LRRC40: variants seen among roughly 807,000 people sequenced by gnomAD.
LRRC40 encodes leucine rich repeat containing 40.
LRRC40 carries 76 observed loss-of-function variants against 72.8 expected under a neutral mutation model. That is an observed-to-expected ratio of 1.04 (90% CI 0.87 to 1.26). The LOEUF is 1.26. Among genes scored for constraint, LRRC40 ranks in the 50% most tolerant of loss-of-function variants. The pLI, the probability that LRRC40 is intolerant of heterozygous loss-of-function variation, is 0.00. For missense variants in LRRC40, 684 were observed against 698.9 expected (o/e 0.98, Z 0.24); for synonymous variants, 243 against 254.2 (o/e 0.96, Z 0.42).
chr1:70,205,254 G>A, intron 1 of LRRC40, 136 bp downstream of exon 1: 1 of 785,750 alleles, frequency 1.3e-6, no homozygotes. Flanking sequence ...ATGAGCACAG[G>A]GATTAGATTA....
At chr1:70,164,978 T>C (rs1351921380) in intron 9 of LRRC40, among the ~76,000 whole-genome samples, 1 of 152,178 alleles carries the variant, frequency 6.6e-6, no homozygotes, top group Non-Finnish European at 1.5e-5. Flanking sequence ...ATCAAGGACA[T>C]TGTAGGGTAA....
intron 6 of LRRC40, among the ~76,000 whole-genome samples, chr1:70,177,097 G>A (rs192276410): frequency 0.012 from 1,886 of 152,134 alleles, 18 homozygotes; most frequent in Non-Finnish European, 0.016. Flanking sequence ...CCAACATGGC[G>A]AAACCCCATC....
At chr1:70,156,165 T>A (rs1207624382) in intron 10 of LRRC40, among the ~76,000 whole-genome samples, 2 of 152,144 alleles carry the variant, frequency 1.3e-5, no homozygotes, top group Non-Finnish European at 2.9e-5. Flanking sequence ...TGTTGCCCCA[T>A]CTTAAAAATC....
intron 13 of LRRC40, 45 bp from the exon 14 acceptor site, chr1:70,148,717 C>G (rs1219277035): frequency 1.7e-6 from 2 of 1,148,816 alleles, no homozygotes; most frequent in Admixed American, 2.1e-5. Flanking sequence ...GGAATCAGAC[C>G]AAAATCATTC....
chr1:70,201,818 C>CA (rs945268356), intron 1 of LRRC40, among the ~76,000 whole-genome samples: 26 of 150,910 alleles, frequency 1.7e-4, no homozygotes, highest in Admixed American at 1.1e-3. Flanking sequence ...ACTAAAAATA[C>CA]AAAAAAAAAT....
chr1:70,169,288 C>A (rs78551104), intron 9 of LRRC40, among the ~76,000 whole-genome samples: 325 of 152,334 alleles, frequency 2.1e-3, no homozygotes, highest in African/African-American at 7.5e-3. Context: ...TGCTGTGCTA[C>A]TTGTTGCACC....
At chr1:70,175,776 A>C in intron 7 of LRRC40, 34 bp downstream of exon 7, 1 of 1,417,054 alleles carries the variant, frequency 7.1e-7, no homozygotes, top group Non-Finnish European at 9.5e-7. Flanking sequence ...CCAAATACAA[A>C]CACAATTTCT....
At chr1:70,195,982 A>T (rs1198391294) in intron 1 of LRRC40, among the ~76,000 whole-genome samples, 1 of 152,142 alleles carries the variant, frequency 6.6e-6, no homozygotes, top group Admixed American at 6.5e-5. Context: ...TCAGGTATGG[A>T]TTCAACAGAA....
intron 3 of LRRC40, among the ~76,000 whole-genome samples, chr1:70,185,439 C>T (rs1354489104): frequency 6.6e-6 from 1 of 152,162 alleles, no homozygotes; most frequent in Non-Finnish European, 1.5e-5. Flanking sequence ...TCCAATTTTG[C>T]ATCTTCCTCA....
intron 3 of LRRC40, among the ~76,000 whole-genome samples, chr1:70,185,537 C>G (rs1186165198): frequency 1.3e-5 from 2 of 152,118 alleles, no homozygotes; most frequent in Non-Finnish European, 2.9e-5. Flanking sequence ...ACTGTAAGTC[C>G]AATTAAACCT....
At chr1:70,186,918 A>G (rs1479342639) in intron 3 of LRRC40, among the ~76,000 whole-genome samples, 1 of 152,174 alleles carries the variant, frequency 6.6e-6, no homozygotes, top group African/African-American at 2.4e-5. Flanking sequence ...TATTGTTTAG[A>G]TATTTTTAGA....
chr1:70,182,706 A>G (rs1668273068), intron 4 of LRRC40, among the ~76,000 whole-genome samples: 1 of 152,044 alleles, frequency 6.6e-6, no homozygotes, highest in Admixed American at 6.6e-5. Context: ...ATTTATGCCA[A>G]GTCATTCCTT....
rs141514793 is a variant in LRRC40 at position 70,205,518 on chromosome 1, G to A, written c.23C>T (p.Ala8Val). The change falls in exon 1 of 15, where the codon GCG becomes GTG. Residue 8 changes from alanine to valine, a missense_variant. Coordinates refer to ENST00000370952, the MANE Select transcript of LRRC40 (RefSeq NM_017768.5). MSRLKRI[A>V]GQDLRAGFKA... ...GAAACCAGCGCGGAGATCCTGCCCC[G>A]CTATCCGCTTCAGGCGCGACATGTT... 259 of 1,598,174 alleles carry A rather than the reference G, an allele frequency of 1.6e-4. 1 individual carries two copies. The African/African-American group carries it at 3.0e-3, about 18-fold the overall frequency.
chr1:70,180,742 C>T (rs1279834038), intron 5 of LRRC40, among the ~76,000 whole-genome samples: 1 of 152,120 alleles, frequency 6.6e-6, no homozygotes, highest in East Asian at 1.9e-4. Flanking sequence ...AGCTATAATA[C>T]AACTAAATAT....
At chr1:70,193,906 C>CA (rs1308129495) in intron 1 of LRRC40, among the ~76,000 whole-genome samples, 1 of 151,960 alleles carries the variant, frequency 6.6e-6, no homozygotes, top group Non-Finnish European at 1.5e-5. Context: ...AATAAAAACT[C>CA]AGAAAACTAG....
At position 70,152,545 on chromosome 1, in the gene LRRC40, T is replaced by C. The variant is rs755764287; in HGVS notation, c.1329-2A>G. ...ACCATTTCCTTCAGTTCTACCATCC[T>C]GAAACAAAAATAATTTTAAAATGTT... is the stretch of plus-strand genomic sequence containing the variant. On this transcript the variant is annotated splice_acceptor_variant, in intron 11 of 14. Transcript: ENST00000370952. LOFTEE classifies it high-confidence loss of function. 4 of 1,498,598 alleles carry C rather than the reference T, an allele frequency of 2.7e-6. No homozygotes were observed. In the South Asian group the frequency reaches 3.4e-5, roughly 13 times the overall value. 92.8% of individuals were successfully genotyped at this position (1,498,598 alleles called of 1,614,324 possible).
intron 6 of LRRC40, among the ~76,000 whole-genome samples, chr1:70,178,625 G>C (rs1050008630): frequency 2.0e-5 from 3 of 151,946 alleles, no homozygotes; most frequent in African/African-American, 7.3e-5. Flanking sequence ...AGATGAAATG[G>C]ACAAATCTCT....
chr1:70,157,239 T>A (rs1315853504), intron 10 of LRRC40, among the ~76,000 whole-genome samples: 1 of 152,240 alleles, frequency 6.6e-6, no homozygotes, highest in African/African-American at 2.4e-5. Flanking sequence ...TTTTCTTCTG[T>A]GTAGATGCAG....
Position 70,170,158 on chromosome 1 carries a change from C to A in LRRC40, c.1111+3307G>T, listed in dbSNP as rs192519434. ...TAACAGAATTTTTTAAATCACACGA[C>A]CATCTCAACAGATGCAGAAAAAAAA... On this transcript the variant is annotated intron_variant, in intron 9 of 14. Coordinates refer to ENST00000370952, the MANE Select transcript of LRRC40 (RefSeq NM_017768.5). 2.0e-5 allele frequency among the ~76,000 whole-genome samples: 3 copies of A among 152,168 alleles called. No homozygotes were observed. The East Asian group carries it at 5.8e-4, about 29-fold the overall frequency.
Sources: allele counts gnomAD v4.1 joint callset (sites outside exome capture counted in the v4.1 genomes callset), GRCh38; gene constraint gnomAD v4.1.1; transcripts MANE v1.5; gene names NCBI Gene and HGNC (gene_info 2026-07-23, HGNC 2026-07-21).